Variants in NELL1 observed in about 807,000 individuals in gnomAD.
NELL1 encodes the protein neural EGFL like 1.
Under a neutral mutation model 107.4 loss-of-function variants are expected in NELL1, and 76 were observed. That is an observed-to-expected ratio of 0.71 (90% CI 0.59 to 0.86). NELL1 has a LOEUF of 0.86. Among genes scored for constraint, NELL1 ranks in the 40% least tolerant of loss-of-function variants. The pLI, the probability that NELL1 is intolerant of heterozygous loss-of-function variation, is 0.00. For synonymous variants in NELL1, 353 were observed against 341.2 expected (o/e 1.03, Z -0.38); for missense variants, 1,024 against 1,005.5 (o/e 1.02, Z -0.25).
intron 14 of NELL1, among the ~76,000 whole-genome samples, chr11:21,322,390 C>T (rs563855325): frequency 6.6e-6 from 1 of 152,116 alleles, no homozygotes; most frequent in Non-Finnish European, 1.5e-5. Context: ...GGTGTATGCC[C>T]TGAGATTGGA....
At chr11:20,889,084 GAT>G (rs1849566338) in intron 5 of NELL1, among the ~76,000 whole-genome samples, 1 of 152,132 alleles carries the variant, frequency 6.6e-6, no homozygotes, top group African/African-American at 2.4e-5. Flanking sequence ...GCTGCTCCAT[GAT>G]ATCACATTGC....
At chr11:21,448,497 T>C (rs1381361803) in intron 15 of NELL1, among the ~76,000 whole-genome samples, 4 of 152,230 alleles carry the variant, frequency 2.6e-5, no homozygotes, top group Non-Finnish European at 5.9e-5. Context: ...ATAGATTAAA[T>C]ACAGGTACAA....
intron 5 of NELL1, among the ~76,000 whole-genome samples, chr11:20,894,862 G>A (rs1849691462): frequency 6.6e-6 from 1 of 152,144 alleles, no homozygotes; most frequent in African/African-American, 2.4e-5. Flanking sequence ...ACATGTAAAT[G>A]TTGTTATATG....
At chr11:21,264,953 C>T (rs939394278) in intron 14 of NELL1, among the ~76,000 whole-genome samples, 1 of 151,882 alleles carries the variant, frequency 6.6e-6, no homozygotes, top group East Asian at 1.9e-4. Context: ...GGACACAATC[C>T]TCCTAGATAG....
chr11:21,114,493 A>G (rs978204704), intron 13 of NELL1, among the ~76,000 whole-genome samples: 2 of 151,984 alleles, frequency 1.3e-5, no homozygotes, highest in African/African-American at 4.8e-5. Flanking sequence ...CTTTGTTCCA[A>G]TCACGTTGGT....
intron 2 of NELL1, among the ~76,000 whole-genome samples, chr11:20,697,743 G>T (rs919073694): frequency 8.5e-5 from 13 of 152,134 alleles, no homozygotes; most frequent in African/African-American, 3.1e-4. Context: ...GAGTGTTCAA[G>T]AAAGAAATTT....
At chr11:20,726,416 T>C (rs892310560) in intron 2 of NELL1, among the ~76,000 whole-genome samples, 6 of 152,038 alleles carry the variant, frequency 3.9e-5, no homozygotes, top group African/African-American at 9.7e-5. Flanking sequence ...AGAAATACAA[T>C]ATACCAGCAC....
At chr11:21,470,588 A>G (rs1013910774) in intron 15 of NELL1, among the ~76,000 whole-genome samples, 2 of 152,098 alleles carry the variant, frequency 1.3e-5, no homozygotes, top group African/African-American at 4.8e-5. Context: ...CTGTATGTTC[A>G]CTTGGTAGTC....
At chr11:21,488,033 G>C (rs1252168083) in intron 15 of NELL1, among the ~76,000 whole-genome samples, 3 of 151,828 alleles carry the variant, frequency 2.0e-5, no homozygotes, top group Non-Finnish European at 4.4e-5. Flanking sequence ...GATTCATAAA[G>C]CAAATATTAC....
intron 14 of NELL1, among the ~76,000 whole-genome samples, chr11:21,326,048 A>AGTTTTTT (rs1850124945): frequency 2.9e-5 from 1 of 34,676 alleles, no homozygotes; most frequent in African/African-American, 1.4e-4. Flanking sequence ...TGTTAATCCT[A>AGTTTTTT]GTTTTTTTTT....
At position 20,773,157 on chromosome 11, in the gene NELL1, G is replaced by A. The variant is rs543041540; in HGVS notation, c.185-10523G>A. Among the ~76,000 whole-genome samples, 3 of 152,258 alleles carry A rather than the reference G, an allele frequency of 2.0e-5. No individual in the cohort carries two copies. In the East Asian group the frequency reaches 5.8e-4, roughly 29 times the overall value. On this transcript the variant is annotated intron_variant, in intron 2 of 19. Coordinates refer to ENST00000357134, the MANE Select transcript of NELL1 (RefSeq NM_006157.5). ...CACCTGCTCAATGCTCTCCTGCTGG[G>A]CCACCATAACCAACCATCAGTGTGA...
At chr11:21,118,943 T>C (rs1855299214) in intron 13 of NELL1, among the ~76,000 whole-genome samples, 1 of 152,046 alleles carries the variant, frequency 6.6e-6, no homozygotes, top group Non-Finnish European at 1.5e-5. Flanking sequence ...TATTGGATGA[T>C]TGATTAATTA....
At chr11:20,775,152 C>G (rs1192533146) in intron 2 of NELL1, among the ~76,000 whole-genome samples, 1 of 152,106 alleles carries the variant, frequency 6.6e-6, no homozygotes, top group Non-Finnish European at 1.5e-5. Context: ...TTGGAAAATT[C>G]AGACATGTGG....
At chr11:20,776,349 G>C (rs921913323) in intron 2 of NELL1, among the ~76,000 whole-genome samples, 2 of 152,100 alleles carry the variant, frequency 1.3e-5, no homozygotes, top group Non-Finnish European at 2.9e-5. Flanking sequence ...TGAGGCAGGA[G>C]AATCGCTTGA....
chr11:21,288,945 TAAG>T (rs1849190660), intron 14 of NELL1, among the ~76,000 whole-genome samples: 1 of 152,164 alleles, frequency 6.6e-6, no homozygotes, highest in East Asian at 1.9e-4. Flanking sequence ...ACCTGGGTTC[TAAG>T]AAGGAGTGTT....
chr11:20,951,493 C>A (rs1851067682), intron 11 of NELL1, among the ~76,000 whole-genome samples: 1 of 152,080 alleles, frequency 6.6e-6, no homozygotes, highest in Non-Finnish European at 1.5e-5. Context: ...TTCACTGTAT[C>A]AACAAACTGG....
intron 14 of NELL1, chr11:21,284,493 G>T (rs1465250935): frequency 3.5e-5 from 16 of 459,488 alleles, no homozygotes; most frequent in Non-Finnish European, 4.4e-5. Context: ...CTCCAGTGCT[G>T]TGGGGGAGGT....
At position 20,991,498 on chromosome 11, in the gene NELL1, C is replaced by T. The variant is rs114523492; in HGVS notation, c.1300+30938C>T. On this transcript the variant is annotated intron_variant, in intron 12 of 19. Transcript: ENST00000357134. ...AATGGAGGCCCTGCCATAGGCAAGT[C>T]ACATGCTCAGTTCAGCTAGATCTTG... Among the ~76,000 whole-genome samples the T allele has an allele frequency of 4.7e-3, 709 of 152,326 alleles. 2 individuals carry two copies. The highest frequency in any genetic ancestry group is 0.016 in the African/African-American group (672 of 41,580).
At chr11:20,971,084 C>T (rs1286067985) in intron 12 of NELL1, among the ~76,000 whole-genome samples, 1 of 152,074 alleles carries the variant, frequency 6.6e-6, no homozygotes, top group African/African-American at 2.4e-5. Context: ...CATGTCTTCC[C>T]TCTGATAACT....
Sources: gnomAD v4.1 joint callset for allele counts (sites outside exome capture counted in the v4.1 genomes callset) on GRCh38, gnomAD v4.1.1 for gene constraint, MANE v1.5 for transcripts, NCBI Gene and HGNC (gene_info 2026-07-23, HGNC 2026-07-21) for gene names.